The following TGFB2 variants were observed in gnomAD, a reference collection of about 807,000 sequenced individuals.
TGFB2 encodes transforming growth factor beta 2.
A neutral mutation model predicts 42.7 loss-of-function variants in TGFB2; 13 were observed. That is an observed-to-expected ratio of 0.30 (90% CI 0.20 to 0.48). The LOEUF is 0.48. Among genes scored for constraint, TGFB2 ranks in the 20% least tolerant of loss-of-function variants. The probability of loss-of-function intolerance (pLI) is 0.99; values close to 1 mark genes in which losing one functional copy is unlikely to be tolerated. For missense variants in TGFB2, 390 were observed against 517.5 expected (o/e 0.75, Z 2.39); for synonymous variants, 193 against 193.6 (o/e 1.00, Z 0.03).
At chr1:218,423,613 T>A (rs776950359) in intron 2 of TGFB2, among the ~76,000 whole-genome samples, 17 of 152,180 alleles carry the variant, frequency 1.1e-4, no homozygotes, top group Non-Finnish European at 2.2e-4. Flanking sequence ...ATATAATCCA[T>A]GTTTTAGAGA....
At chr1:218,350,109 A>G (rs975483062) in intron 1 of TGFB2, among the ~76,000 whole-genome samples, 2 of 152,228 alleles carry the variant, frequency 1.3e-5, no homozygotes, top group African/African-American at 4.8e-5. Context: ...AAGGTTTTAG[A>G]AACTTAGAAA....
chr1:218,393,825 C>T (rs192535863), intron 1 of TGFB2, among the ~76,000 whole-genome samples: 3 of 152,026 alleles, frequency 2.0e-5, no homozygotes, highest in African/African-American at 7.2e-5. Context: ...ATCACATTCA[C>T]GGTTTACCTG....
intron 1 of TGFB2, among the ~76,000 whole-genome samples, chr1:218,351,882 A>G (rs1205053202): frequency 4.5e-4 from 69 of 152,262 alleles, no homozygotes; most frequent in Admixed American, 4.5e-3. Context: ...GGAAACTGAG[A>G]TGTGAAAAAA....
At chr1:218,374,651 A>G (rs1657683569) in intron 1 of TGFB2, among the ~76,000 whole-genome samples, 3 of 152,348 alleles carry the variant, frequency 2.0e-5, no homozygotes, top group African/African-American at 7.2e-5. Flanking sequence ...TCTAAGTAGC[A>G]TTCTTCATAT....
intron 1 of TGFB2, among the ~76,000 whole-genome samples, chr1:218,354,740 T>C (rs59789387): frequency 6.2e-4 from 94 of 152,330 alleles, no homozygotes; most frequent in African/African-American, 2.2e-3. Flanking sequence ...CATGGAAGAA[T>C]GGTGGCTCTC....
chr1:218,392,769 G>T (rs1658360048), intron 1 of TGFB2, among the ~76,000 whole-genome samples: 1 of 152,166 alleles, frequency 6.6e-6, no homozygotes, highest in South Asian at 2.1e-4. Flanking sequence ...TCTAAAACTG[G>T]ATAATCCAGA....
At chr1:218,429,830 C>G (rs1659749666) in intron 2 of TGFB2, among the ~76,000 whole-genome samples, 1 of 152,102 alleles carries the variant, frequency 6.6e-6, no homozygotes, top group African/African-American at 2.4e-5. Flanking sequence ...ATTACAATAA[C>G]AAGTCCAAGT....
chr1:218,425,900 G>T (rs926977335), intron 2 of TGFB2, among the ~76,000 whole-genome samples: 1 of 152,226 alleles, frequency 6.6e-6, no homozygotes, highest in African/African-American at 2.4e-5. Flanking sequence ...AGATCTGAGA[G>T]ACTCGTGCTC....
intron 6 of TGFB2, among the ~76,000 whole-genome samples, chr1:218,438,539 A>C (rs1160362161): frequency 6.6e-6 from 1 of 152,196 alleles, no homozygotes; most frequent in Non-Finnish European, 1.5e-5. Context: ...GAAGTACAAA[A>C]GATGATATAC....
intron 2 of TGFB2, among the ~76,000 whole-genome samples, chr1:218,418,704 G>C (rs11466400): frequency 0.015 from 2,242 of 152,218 alleles, 46 homozygotes; most frequent in African/African-American, 0.05. Context: ...GGAGGTAATT[G>C]AATCATGGGG....
chr1:218,350,270 G>C (rs2102531603), intron 1 of TGFB2, among the ~76,000 whole-genome samples: 1 of 152,214 alleles, frequency 6.6e-6, no homozygotes, highest in Admixed American at 6.5e-5. Flanking sequence ...ACATGTTGTG[G>C]TTCTAACCCT....
rs1345794189 is a variant in TGFB2 at position 218,442,128 on chromosome 1, T to C, written c.*766T>C. ...AAAAAGACTGTTAATAAAAGAAACT[T>C]TCAGTCAGAATAAGTCTGTAAGTTT... On this transcript the variant is annotated 3_prime_UTR_variant, in exon 7 of 7. Coordinates refer to ENST00000366930, the MANE Select transcript of TGFB2 (RefSeq NM_003238.6). The C allele has an allele frequency of 6.6e-6, 1 of 152,096 alleles. No individual in the cohort carries two copies. Among genetic ancestry groups the C allele is most frequent in the Non-Finnish European group, 1.5e-5 (1 of 67,992 alleles). The allele number at this position is 152,096 out of a possible 1,614,324, so 9.4% of individuals were successfully genotyped here.
Position 218,442,264 on chromosome 1 carries a change from A to G in TGFB2, c.*902A>G, listed in dbSNP as rs926722049. 3 of 152,198 alleles carry G rather than the reference A, an allele frequency of 2.0e-5. No homozygotes were observed. The highest frequency in any genetic ancestry group is 3.4e-3 in the Middle Eastern group (1 of 294). The allele number at this position is 152,198 out of a possible 1,614,324, so 9.4% of individuals were successfully genotyped here. A position where few individuals can be genotyped will look rare whatever the true frequency, so the allele number is the denominator to read the frequency against. On this transcript the variant is annotated 3_prime_UTR_variant, in exon 7 of 7. Coordinates refer to ENST00000366930, the MANE Select transcript of TGFB2 (RefSeq NM_003238.6). Reference sequence around the variant, plus strand: ...ACTTCAGACCTTAAAATATTGCTGTATAGCTATGCTATAGGTTTTTTCCTT... The same window carrying G: ...ACTTCAGACCTTAAAATATTGCTGTGTAGCTATGCTATAGGTTTTTTCCTT...
intron 1 of TGFB2, among the ~76,000 whole-genome samples, chr1:218,393,138 A>G (rs1482757522): frequency 6.6e-6 from 1 of 152,232 alleles, no homozygotes. Flanking sequence ...AAGCATGTCA[A>G]AAGTCCATAC....
At chr1:218,380,087 A>G (rs1459374215) in intron 1 of TGFB2, among the ~76,000 whole-genome samples, 1 of 152,228 alleles carries the variant, frequency 6.6e-6, no homozygotes, top group East Asian at 1.9e-4. Context: ...CAAGGCAGAG[A>G]GAGATTAAAT....
intron 1 of TGFB2, among the ~76,000 whole-genome samples, chr1:218,394,713 A>C (rs192686261): frequency 3.8e-4 from 58 of 152,204 alleles, no homozygotes; most frequent in African/African-American, 1.4e-3. Flanking sequence ...GAAAATCAGA[A>C]ACCACCGCTG....
chr1:218,435,005 C>G (rs939953971), intron 4 of TGFB2, among the ~76,000 whole-genome samples: 9 of 152,122 alleles, frequency 5.9e-5, no homozygotes, highest in Non-Finnish European at 1.0e-4. Context: ...TTGGCTTTCC[C>G]CACGCTTACC....
Position 218,346,894 on chromosome 1 carries a change from C to G in TGFB2, c.193C>G (p.Pro65Ala), listed in dbSNP as rs747128130. 2 of 1,614,064 alleles carry G rather than the reference C, an allele frequency of 1.2e-6. No homozygotes were observed. Among genetic ancestry groups the G allele is most frequent in the Non-Finnish European group, 1.7e-6 (2 of 1,180,044 alleles). ...CTATCCTGAGCCCGAGGAAGTCCCC[C>G]CGGAGGTGATTTCCATCTACAACAG... ...EDYPEPEEVP[P>A]EVISIYNSTR... Residue 65 changes from proline (P) to alanine (A), a missense_variant, in exon 1 of 7, where the codon CCG becomes GCG. Transcript: ENST00000366930. The surrounding 1 kb of genome is among the most constrained non-coding windows in gnomAD (Gnocchi z 4.9).
intron 1 of TGFB2, among the ~76,000 whole-genome samples, chr1:218,360,664 TTAAAA>T (rs998082736): frequency 9.9e-5 from 15 of 152,140 alleles, no homozygotes; most frequent in African/African-American, 3.6e-4. Context: ...ATCCCGGAAC[TTAAAA>T]TAAAATAAAA....
Sources: allele counts gnomAD v4.1 joint callset (sites outside exome capture counted in the v4.1 genomes callset), GRCh38; gene constraint gnomAD v4.1.1; non-coding constraint Gnocchi (gnomAD v3.1); transcripts MANE v1.5; gene names NCBI Gene and HGNC (gene_info 2026-07-23, HGNC 2026-07-21).